Variants in PCDHA9 observed in about 807,000 individuals in gnomAD.
PCDHA9 encodes protocadherin alpha 9, also known as protocadherin alpha-9.
PCDHA9 carries 62 observed loss-of-function variants against 62.0 expected under a neutral mutation model. The observed-to-expected ratio is 1.00, with a 90% CI of 0.81 to 1.23. PCDHA9 has a LOEUF of 1.23. Among genes scored for constraint, PCDHA9 ranks in the 50% most tolerant of loss-of-function variants. The pLI is 0.00. For synonymous variants in PCDHA9, 557 were observed against 567.6 expected (o/e 0.98, Z 0.27); for missense variants, 1,205 against 1,249.8 (o/e 0.96, Z 0.54).
chr5:140,932,920 A>G (rs1397195310), intron 1 of PCDHA9, among the ~76,000 whole-genome samples: 3 of 152,034 alleles, frequency 2.0e-5, no homozygotes, highest in Non-Finnish European at 4.4e-5. Flanking sequence ...CAACAACTAA[A>G]TTAACTTAGC....
intron 1 of PCDHA9, among the ~76,000 whole-genome samples, chr5:140,896,952 T>G (rs2153454853): frequency 6.6e-6 from 1 of 152,352 alleles, no homozygotes; most frequent in East Asian, 1.9e-4. Context: ...GCCATTCCCT[T>G]AAACATTTAT....
At chr5:140,926,632 C>T in intron 1 of PCDHA9, 1 of 432,326 alleles carries the variant, frequency 2.3e-6, no homozygotes, top group Admixed American at 4.2e-5. Flanking sequence ...GCGCTGCGCT[C>T]CTCAACACCC....
Position 140,870,886 on chromosome 5 carries a change from G to T in PCDHA9, c.2394+19997G>T, listed in dbSNP as rs17844350. On this transcript the variant is annotated intron_variant, in intron 1 of 3. Coordinates refer to ENST00000532602, the MANE Select transcript of PCDHA9 (RefSeq NM_031857.2). ...GGGCCACGTGGTGGCGAAGGTGCGC[G>T]CAGTGGATGCGGACTCAGGCTACAA... 4,395 of 1,613,944 alleles carry T rather than the reference G, an allele frequency of 2.7e-3. 116 individuals are homozygous for T. The East Asian group carries it at 0.058, about 21-fold the overall frequency.
chr5:140,934,569 A>AT (rs1286294364), intron 1 of PCDHA9, among the ~76,000 whole-genome samples: 1 of 152,044 alleles, frequency 6.6e-6, no homozygotes, highest in Admixed American at 6.6e-5. Context: ...TTTTTAATTA[A>AT]TTGTAACATT....
chr5:140,884,579 G>A (rs1035826331), intron 1 of PCDHA9: 5 of 1,614,058 alleles, frequency 3.1e-6, no homozygotes, highest in Admixed American at 1.7e-5. Flanking sequence ...GGACCTCATG[G>A]CCTTCAGTCC....
chr5:140,888,047 G>C (rs1246901863), intron 1 of PCDHA9, among the ~76,000 whole-genome samples: 12 of 152,092 alleles, frequency 7.9e-5, no homozygotes, highest in African/African-American at 2.9e-4. Flanking sequence ...ATGTATAATA[G>C]ATGTTTTAAC....
At chr5:141,001,279 G>A (rs1317213469) in intron 3 of PCDHA9, among the ~76,000 whole-genome samples, 1 of 151,942 alleles carries the variant, frequency 6.6e-6, no homozygotes, top group African/African-American at 2.4e-5. Context: ...CTTTTTTTAC[G>A]GATGAAAACT....
intron 1 of PCDHA9, among the ~76,000 whole-genome samples, chr5:140,895,700 A>G (rs2065117583): frequency 6.6e-6 from 1 of 152,022 alleles, no homozygotes; most frequent in Non-Finnish European, 1.5e-5. Context: ...ATATTAATTC[A>G]CTTGGGATAA....
At chr5:140,944,439 G>A (rs1022400391) in intron 1 of PCDHA9, among the ~76,000 whole-genome samples, 7 of 152,022 alleles carry the variant, frequency 4.6e-5, no homozygotes, top group African/African-American at 1.2e-4. Context: ...TGCCTGCCTC[G>A]GCCTCCCAAA....
intron 1 of PCDHA9, among the ~76,000 whole-genome samples, chr5:140,898,963 G>A (rs1411271866): frequency 6.6e-6 from 1 of 152,070 alleles, no homozygotes; most frequent in Non-Finnish European, 1.5e-5. Context: ...TTGTGAATGG[G>A]AGTTCACTCA....
At chr5:140,970,663 CAAAT>C (rs1216768545) in intron 1 of PCDHA9, among the ~76,000 whole-genome samples, 1 of 152,136 alleles carries the variant, frequency 6.6e-6, no homozygotes, top group Non-Finnish European at 1.5e-5. Flanking sequence ...GTTATCTTTC[CAAAT>C]AACTACTTTG....
At chr5:140,929,189 A>G (rs782622519) in intron 1 of PCDHA9, 62 of 1,614,180 alleles carry the variant, frequency 3.8e-5, no homozygotes, top group Non-Finnish European at 4.7e-5. Flanking sequence ...GGTTCTGATA[A>G]TAACAGTTTG....
chr5:140,850,349 G>C lies in PCDHA9; in HGVS notation c.1854G>C (p.Ala618=), dbSNP rs1554144220. 1 of 1,597,844 alleles carries C rather than the reference G, an allele frequency of 6.3e-7. No homozygotes were observed. Among genetic ancestry groups the C allele is most frequent in the South Asian group, 1.1e-5 (1 of 90,532 alleles). ...AGCTGCAGCCAGAAACGGCCAGCGCGAGCATCCCGTTCCGCGTGGGGCTGT... is the reference window on the plus strand; with the variant it reads ...AGCTGCAGCCAGAAACGGCCAGCGCCAGCATCCCGTTCCGCGTGGGGCTGT... ...SYELQPETAS[A]SIPFRVGLYT... The change falls in exon 1 of 4, where the codon GCG becomes GCC. Residue 618 remains alanine (A), a synonymous_variant. Coordinates refer to ENST00000532602, the MANE Select transcript of PCDHA9 (RefSeq NM_031857.2).
intron 1 of PCDHA9, chr5:140,884,087 CT>C (rs782425411): frequency 6.2e-7 from 1 of 1,613,564 alleles, no homozygotes; most frequent in South Asian, 1.1e-5. Context: ...CAATGCGTGG[CT>C]TTCGTATGAA....
At chr5:140,967,409 C>T (rs1451311967) in intron 1 of PCDHA9, 9 of 1,613,130 alleles carry the variant, frequency 5.6e-6, no homozygotes, top group Non-Finnish European at 7.6e-6. Flanking sequence ...GCGTAAGGGC[C>T]TAGACCGGGA....
chr5:140,966,665 G>A, intron 1 of PCDHA9: 1 of 1,258,258 alleles, frequency 7.9e-7, no homozygotes. Flanking sequence ...GGGGGAGCAG[G>A]CGCAGGGTGG....
At chr5:140,893,655 T>G (rs894439477) in intron 1 of PCDHA9, among the ~76,000 whole-genome samples, 1 of 152,200 alleles carries the variant, frequency 6.6e-6, no homozygotes, top group Non-Finnish European at 1.5e-5. Flanking sequence ...GCTGATAGTT[T>G]TAAAAAATTT....
At chr5:140,877,417 G>T (rs782190793) in intron 1 of PCDHA9, 5 of 1,613,822 alleles carry the variant, frequency 3.1e-6, no homozygotes, top group Admixed American at 1.7e-5. Context: ...CCGCCTGCTG[G>T]TGCTGGTGAA....
At chr5:140,991,447 C>T (rs1554252191) in intron 3 of PCDHA9, among the ~76,000 whole-genome samples, 1 of 152,162 alleles carries the variant, frequency 6.6e-6, no homozygotes, top group African/African-American at 2.4e-5. Context: ...TGGCTTAAAA[C>T]AACACAATGT....
Sources: allele counts gnomAD v4.1 joint callset (sites outside exome capture counted in the v4.1 genomes callset), GRCh38; gene constraint gnomAD v4.1.1; transcripts MANE v1.5; gene names NCBI Gene and HGNC (gene_info 2026-07-23, HGNC 2026-07-21).